Variants in ACTN2 observed in about 807,000 individuals in gnomAD.
The protein encoded by ACTN2 is actinin alpha 2, also known as alpha-actinin-2.
A neutral mutation model predicts 113.8 loss-of-function variants in ACTN2; 39 were observed. That is an observed-to-expected ratio of 0.34 (90% CI 0.27 to 0.45). The LOEUF is 0.45. ACTN2 is among the 20% of genes least tolerant of loss of function. The probability of loss-of-function intolerance (pLI) is 1.00; values close to 1 mark genes in which losing one functional copy is unlikely to be tolerated. For synonymous variants in ACTN2, 429 were observed against 444.1 expected (o/e 0.97, Z 0.43); for missense variants, 992 against 1,177.9 (o/e 0.84, Z 2.31).
At chr1:236,711,766 A>T (rs1658034310) in intron 1 of ACTN2, among the ~76,000 whole-genome samples, 1 of 152,164 alleles carries the variant, frequency 6.6e-6, no homozygotes, top group Non-Finnish European at 1.5e-5. Flanking sequence ...GGATGCTGAA[A>T]GTGTTTATAT....
chr1:236,727,767 G>A lies in ACTN2; in HGVS notation c.615+11G>A, dbSNP rs750945331. On this transcript the variant is annotated intron_variant, in intron 6 of 20. Transcript: ENST00000366578. ...TCAAAGCTTAACAAGGTTATTCTGG[G>A]TGGCCTGGCATGCAGTGTCCCCAGC... 6.2e-7 allele frequency: 1 copy of A among 1,613,926 alleles called. No homozygotes were observed. Among genetic ancestry groups the A allele is most frequent in the South Asian group, 1.1e-5 (1 of 91,058 alleles).
intron 1 of ACTN2, among the ~76,000 whole-genome samples, chr1:236,693,820 T>C (rs1165314636): frequency 6.6e-6 from 1 of 152,176 alleles, no homozygotes; most frequent in East Asian, 1.9e-4. Context: ...CTGGTTGTGA[T>C]ATTTTCCTGA....
chr1:236,713,607 T>A (rs553281658), intron 1 of ACTN2, among the ~76,000 whole-genome samples: 1,535 of 152,194 alleles, frequency 0.01, 25 homozygotes, highest in African/African-American at 0.035. Context: ...TGTGTTTATG[T>A]ATACACAGAT....
rs1418595012 is a variant in ACTN2 at position 236,731,240 on chromosome 1, C to T, written c.623C>T (p.Pro208Leu). The T allele has an allele frequency of 1.2e-6, 2 of 1,612,398 alleles. No homozygotes were observed. The highest frequency in any genetic ancestry group is 1.7e-6 in the Non-Finnish European group (2 of 1,178,672). ...GTCTTGGTTTTCATACAGGATGACC[C>T]CATAGGAAATATTAACCTGGCCATG... ...IDYSKLNKDD[P>L]IGNINLAMEI... The change falls in exon 7 of 21, where the codon CCC becomes CTC. Residue 208 changes from proline (P) to leucine (L), a missense_variant. By Grantham distance (98) the Pro-to-Leu change is moderately conservative. Around this residue, in one of 3 missense-constraint regions of ACTN2, gnomAD observed 220 missense variants for 337.5 expected, o/e 0.65. Coordinates refer to ENST00000366578, the MANE Select transcript of ACTN2 (RefSeq NM_001103.4).
chr1:236,735,835 G>A, intron 8 of ACTN2, 115 bp downstream of exon 8: 1 of 1,002,430 alleles, frequency 1.0e-6, no homozygotes, highest in Non-Finnish European at 1.5e-6. Context: ...ATCTTTCTGA[G>A]TGTTTTCTAA....
intron 1 of ACTN2, among the ~76,000 whole-genome samples, chr1:236,703,495 A>G (rs1287948791): frequency 1.4e-5 from 2 of 146,826 alleles, no homozygotes; most frequent in East Asian, 4.0e-4. Flanking sequence ...TTTGATTCTA[A>G]AGATAATTTG....
chr1:236,697,571 A>C lies in ACTN2; in HGVS notation c.126+10772A>C, dbSNP rs146420331. ...TTTCTGGATGAAAACATCATGTATTAGACAACTTGGAACCATCTGAACTGT... is the reference window on the plus strand; with the variant it reads ...TTTCTGGATGAAAACATCATGTATTCGACAACTTGGAACCATCTGAACTGT... On this transcript the variant is annotated intron_variant, in intron 1 of 20. Transcript: ENST00000366578. Among the ~76,000 whole-genome samples, 1,294 of 152,300 alleles carry C rather than the reference A, an allele frequency of 8.5e-3. 4 individuals are homozygous for C. The highest frequency in any genetic ancestry group is 0.041 in the Middle Eastern group (12 of 294).
At chr1:236,732,842 A>G (rs1658752551) in intron 7 of ACTN2, among the ~76,000 whole-genome samples, 1 of 152,224 alleles carries the variant, frequency 6.6e-6, no homozygotes, top group Non-Finnish European at 1.5e-5. Context: ...GCAAAGATCT[A>G]ACTTCCAAAT....
At chr1:236,733,380 A>C (rs1031948244) in intron 7 of ACTN2, among the ~76,000 whole-genome samples, 1 of 152,142 alleles carries the variant, frequency 6.6e-6, no homozygotes, top group Admixed American at 6.5e-5. Flanking sequence ...TTCTCTTCTC[A>C]GTTCTTTGGT....
chr1:236,761,014 G>C lies in ACTN2; in HGVS notation c.2368-1G>C. 1.2e-6 allele frequency: 2 copies of C among 1,614,204 alleles called. No homozygotes were observed. Among genetic ancestry groups the C allele is most frequent in the Non-Finnish European group, 1.7e-6 (2 of 1,180,036 alleles). ...CATGTTTCTTTGCCACTTTGCCCCA[G>C]GGTGAAGCCGAATTTGCCCGCATTA... On this transcript the variant is annotated splice_acceptor_variant, in intron 19 of 20. Transcript: ENST00000366578. LOFTEE classifies it high-confidence loss of function.
At chr1:236,699,576 C>A (rs1657614463) in intron 1 of ACTN2, among the ~76,000 whole-genome samples, 1 of 152,120 alleles carries the variant, frequency 6.6e-6, no homozygotes, top group Non-Finnish European at 1.5e-5. Flanking sequence ...CCTTTTGGAA[C>A]TAGAAAATGA....
In ACTN2 at chr1:236,754,094, CCTCCCAGGCGCT is replaced by C. The variant is rs1257850453; in HGVS notation, c.1974+14_1974+25del. ...GAACAAGATGGAGGTAAGCCAGCGC[CCTCCCAGGCGCT>C]GTTCACAAGCCTTGCGATAAGTCCC... On this transcript the variant is annotated intron_variant, in intron 16 of 20. Coordinates refer to ENST00000366578, the MANE Select transcript of ACTN2 (RefSeq NM_001103.4). The surrounding 1 kb of genome is among the most constrained non-coding windows in gnomAD (Gnocchi z 4.9). 1.2e-6 allele frequency: 2 copies of C among 1,613,298 alleles called. No individual in the cohort carries two copies. Among genetic ancestry groups the C allele is most frequent in the Non-Finnish European group, 1.7e-6 (2 of 1,180,042 alleles).
intron 7 of ACTN2, chr1:236,734,592 CT>C (rs869067102): frequency 2.8e-5 from 32 of 1,126,182 alleles, no homozygotes; most frequent in African/African-American, 4.7e-5. Flanking sequence ...TTGTTTTCCT[CT>C]TTTTTCCCCC....
At chr1:236,694,308 C>T (rs145130385) in intron 1 of ACTN2, among the ~76,000 whole-genome samples, 77 of 151,720 alleles carry the variant, frequency 5.1e-4, no homozygotes, top group African/African-American at 1.8e-3. Context: ...CCACAACCTC[C>T]GCCTCCCAGG....
chr1:236,753,898 A>T, intron 15 of ACTN2, 49 bp from the exon 16 acceptor site: 1 of 1,576,528 alleles, frequency 6.3e-7, no homozygotes. Flanking sequence ...GGTTGTTCCT[A>T]TGAGACCACA....
At chr1:236,737,297 G>GTTTATATATATATATATATATA in intron 9 of ACTN2, 83 bp downstream of exon 9, 6 of 318,474 alleles carry the variant, frequency 1.9e-5, no homozygotes, top group African/African-American at 1.7e-4. Flanking sequence ...CTCCGTGGGG[G>GTTTATATATATATATATATATA]CATATATATA....
intron 2 of ACTN2, among the ~76,000 whole-genome samples, 177 bp from the exon 3 acceptor site, chr1:236,718,717 A>C (rs1218823066): frequency 6.6e-6 from 1 of 152,098 alleles, no homozygotes; most frequent in Non-Finnish European, 1.5e-5. Flanking sequence ...TTGATTCTGA[A>C]AGTTTCTGGG....
rs1413595653 is a variant in ACTN2 at position 236,764,380 on chromosome 1, G to A, written c.*1761G>A. On this transcript the variant is annotated 3_prime_UTR_variant, in exon 21 of 21. Coordinates refer to ENST00000366578, the MANE Select transcript of ACTN2 (RefSeq NM_001103.4). ...TTGTGCTTCCTTTGAGGCTATTAGG[G>A]GGCTCTGTGGTGTTTTAGGATGGGT... is the stretch of plus-strand genomic sequence containing the variant. The A allele has an allele frequency of 6.6e-6, 1 of 152,068 alleles. No homozygotes were observed. The highest frequency in any genetic ancestry group is 2.4e-5 in the African/African-American group (1 of 41,396). The allele number at this position is 152,068 out of a possible 1,614,324, so 9.4% of individuals were successfully genotyped here.
Position 236,762,498 on chromosome 1 carries a change from C to A in ACTN2, c.2564C>A (p.Pro855His). The A allele has an allele frequency of 6.2e-7, 1 of 1,614,150 alleles. No homozygotes were observed. Among genetic ancestry groups the A allele is most frequent in the Non-Finnish European group, 8.5e-7 (1 of 1,180,008 alleles). Residue 855 changes from proline (P) to histidine (H), a missense_variant, in exon 21 of 21, where the codon CCC becomes CAC. Pro to His is a moderately conservative substitution (Grantham distance 77). Around this residue, in one of 3 missense-constraint regions of ACTN2, gnomAD observed 736 missense variants for 815.4 expected, o/e 0.90. Transcript: ENST00000366578. ...ILAEELRREL[P>H]PDQAQYCIKR... ...GCGGAGGAGCTGCGTCGGGAGCTGC[C>A]CCCGGATCAGGCCCAGTACTGCATC...
Sources: gnomAD v4.1 joint callset for allele counts (sites outside exome capture counted in the v4.1 genomes callset) on GRCh38, gnomAD v4.1.1 for gene constraint, gnomAD v4.1.1 regional missense constraint, Gnocchi (gnomAD v3.1) non-coding constraint, MANE v1.5 for transcripts, NCBI Gene and HGNC (gene_info 2026-07-23, HGNC 2026-07-21) for gene names.